MLIP: variants seen among roughly 807,000 people sequenced by gnomAD.
The protein encoded by MLIP is muscular LMNA-interacting protein.
In MLIP, 79 loss-of-function variants were observed where a neutral mutation model predicts 84.8. That is an observed-to-expected ratio of 0.93 (90% CI 0.78 to 1.12). MLIP has a LOEUF of 1.12. MLIP is among the 50% of genes most tolerant of loss of function. The pLI, the probability that MLIP is intolerant of heterozygous loss-of-function variation, is 0.00. For synonymous variants in MLIP, 504 were observed against 463.0 expected (o/e 1.09, Z -1.14); for missense variants, 1,257 against 1,160.6 (o/e 1.08, Z -1.21).
chr6:54,186,631 G>C (rs971632033), intron 9 of MLIP, among the ~76,000 whole-genome samples: 2 of 152,218 alleles, frequency 1.3e-5, no homozygotes, highest in African/African-American at 4.8e-5. Context: ...GGTGGCGAGA[G>C]AGAGAAGTGT....
intron 13 of MLIP, among the ~76,000 whole-genome samples, chr6:54,259,670 C>T (rs568695803): frequency 6.2e-4 from 94 of 151,772 alleles, no homozygotes; most frequent in African/African-American, 2.0e-3. Flanking sequence ...TTGGAATATA[C>T]GAAAAATGTC....
rs147151869 is a variant in MLIP, at chr6:54,126,470, T to C, written c.645+1605T>C. Among the ~76,000 whole-genome samples the C allele has an allele frequency of 4.3e-3, 660 of 152,056 alleles. 8 individuals carry two copies. The highest frequency in any genetic ancestry group is 0.015 in the African/African-American group (609 of 41,490). On this transcript the variant is annotated intron_variant, in intron 3 of 13. Coordinates refer to ENST00000502396, the MANE Select transcript of MLIP (RefSeq NM_001281747.2). The stretch of plus-strand genomic sequence containing the variant: ...AATAAAAAAGCAGAGCTCAACCTCA[T>C]ATATTAATTGTGGCTGAAGATTATG...
intron 12 of MLIP, among the ~76,000 whole-genome samples, chr6:54,241,990 AATACAC>A (rs1243898820): frequency 6.6e-6 from 1 of 152,220 alleles, no homozygotes; most frequent in African/African-American, 2.4e-5. Context: ...CTGAATGAGA[AATACAC>A]ATATAGGAAA....
chr6:54,096,649 G>T (rs981479615), intron 1 of MLIP, among the ~76,000 whole-genome samples: 1 of 151,980 alleles, frequency 6.6e-6, no homozygotes, highest in African/African-American at 2.4e-5. Context: ...GGCTCCATTG[G>T]GTCTGCTTCA....
intron 1 of MLIP, among the ~76,000 whole-genome samples, chr6:54,059,601 A>G (rs960800610): frequency 6.6e-6 from 1 of 152,220 alleles, no homozygotes; most frequent in African/African-American, 2.4e-5. Context: ...TCAAAATAAT[A>G]TAGAAATGAA....
At chr6:54,110,005 C>T (rs1452061718), upstream of MLIP, among the ~76,000 whole-genome samples, 1 of 91,728 alleles carries the variant, frequency 1.1e-5, no homozygotes, top group Non-Finnish European at 2.1e-5. Context: ...TTTTTTTTGA[C>T]GGAGTCTCGC....
At chr6:54,111,692 T>C in intron 1 of MLIP, 117 bp downstream of exon 1, 2 of 1,047,280 alleles carry the variant, frequency 1.9e-6, no homozygotes, top group Non-Finnish European at 2.7e-6. Flanking sequence ...AATTTGTATG[T>C]ATATTGAAAT....
At chr6:54,191,618 G>A (rs1340411884) in intron 10 of MLIP, among the ~76,000 whole-genome samples, 1 of 152,138 alleles carries the variant, frequency 6.6e-6, no homozygotes, top group Non-Finnish European at 1.5e-5. Context: ...TTAATTGAAA[G>A]TGAGAGCATT....
intron 8 of MLIP, among the ~76,000 whole-genome samples, chr6:54,165,435 C>T (rs1775076554): frequency 6.6e-6 from 1 of 151,858 alleles, no homozygotes; most frequent in African/African-American, 2.4e-5. Flanking sequence ...GCTGAAGGAC[C>T]ACTTTGATAT....
At chr6:54,083,181 G>A (rs1767273304) in intron 1 of MLIP, among the ~76,000 whole-genome samples, 1 of 151,862 alleles carries the variant, frequency 6.6e-6, no homozygotes, top group East Asian at 1.9e-4. Flanking sequence ...CCTAAGTCAT[G>A]TAATATATAC....
chr6:54,109,179 T>C (rs1769236721), upstream of MLIP, among the ~76,000 whole-genome samples: 1 of 151,416 alleles, frequency 6.6e-6, no homozygotes. Context: ...TGAATAAAGC[T>C]AAAACATCTT....
chr6:54,037,292 C>G (rs1254050197), intron 1 of MLIP, among the ~76,000 whole-genome samples: 1 of 152,012 alleles, frequency 6.6e-6, no homozygotes, highest in Non-Finnish European at 1.5e-5. Flanking sequence ...TATTTGGTAT[C>G]TGAACTCTTG....
intron 1 of MLIP, among the ~76,000 whole-genome samples, chr6:54,092,575 A>T (rs886464245): frequency 6.6e-6 from 1 of 152,000 alleles, no homozygotes; most frequent in Non-Finnish European, 1.5e-5. Context: ...GTATAATTAT[A>T]CCCACAATAT....
chr6:54,068,872 A>G (rs1476602610), intron 1 of MLIP, among the ~76,000 whole-genome samples: 2 of 100,754 alleles, frequency 2.0e-5, no homozygotes, highest in African/African-American at 5.1e-5. Flanking sequence ...GGCTTTTTCC[A>G]GAGCTCTGCT....
chr6:54,136,851 C>G lies in MLIP; in HGVS notation c.782C>G (p.Thr261Ser). ...EGASVLEEFH[T>S]RRLDVGGAVV... is the part of the protein sequence containing the mutation. ...GCCTCTGTCCTAGAGGAGTTCCACA[C>G]TAGGAGGCTGGATGTCGGTGGGGCC... is the stretch of plus-strand genomic sequence containing the variant. Residue 261 changes from threonine (T) to serine (S), a missense_variant, in exon 4 of 14, where the codon ACT (threonine) becomes AGT (serine). Physicochemically the swap from Thr to Ser is moderately conservative, Grantham distance 58. Coordinates refer to ENST00000502396, the MANE Select transcript of MLIP (RefSeq NM_001281747.2). The G allele has an allele frequency of 6.5e-7, 1 of 1,535,200 alleles. No homozygotes were observed.
At chr6:54,098,887 G>A (rs1768425263) in intron 1 of MLIP, among the ~76,000 whole-genome samples, 1 of 152,126 alleles carries the variant, frequency 6.6e-6, no homozygotes, top group Non-Finnish European at 1.5e-5. Flanking sequence ...AGAAAATCGA[G>A]GCAGTGAGAG....
chr6:54,098,706 C>T lies in MLIP; in HGVS notation c.64-22741C>T, dbSNP rs139991011. ...GTAGAGGAAGGTGGAAAATAGTGAA[C>T]GAGCTGTTTAAAACTTGTAATGGCA... On this transcript the variant is annotated intron_variant, in intron 1 of 12. Transcript: ENST00000274897. Among the ~76,000 whole-genome samples, 196 of 152,150 alleles carry T rather than the reference C, an allele frequency of 1.3e-3. 1 individual carries two copies. The highest frequency in any genetic ancestry group is 4.1e-3 in the African/African-American group (169 of 41,520).
intron 1 of MLIP, chr6:54,083,542 C>G (rs1370944114): frequency 6.5e-7 from 1 of 1,535,796 alleles, no homozygotes; most frequent in African/African-American, 1.4e-5. Flanking sequence ...ACAACCACTG[C>G]TTTCTTGACA....
At chr6:54,112,468 A>G (rs1268063597) in intron 1 of MLIP, among the ~76,000 whole-genome samples, 2 of 152,218 alleles carry the variant, frequency 1.3e-5, no homozygotes, top group East Asian at 3.8e-4. Flanking sequence ...CTAATATTGT[A>G]CTGTTAGCTT....
Sources: gnomAD v4.1 joint callset for allele counts (sites outside exome capture counted in the v4.1 genomes callset) on GRCh38, gnomAD v4.1.1 for gene constraint, MANE v1.5 for transcripts, NCBI Gene and HGNC (gene_info 2026-07-23, HGNC 2026-07-21) for gene names.